CSMD1: variants seen among roughly 807,000 people sequenced by gnomAD.
CSMD1 encodes the protein CUB and sushi domain-containing protein 1.
In CSMD1, 213 loss-of-function variants were observed where a neutral mutation model predicts 417.5. The observed-to-expected ratio is 0.51, with a 90% CI of 0.46 to 0.57. The LOEUF is 0.57. Ranked by LOEUF, CSMD1 falls within the 20% of genes least tolerant of loss-of-function variation. The pLI, the probability that CSMD1 is intolerant of heterozygous loss-of-function variation, is 0.00. For missense variants in CSMD1, 6,923 were observed against 4,529.7 expected, an observed-to-expected ratio of 1.53 and a Z score of -15.17; for synonymous variants, 2,862 against 1,736.8, an observed-to-expected ratio of 1.65 and a Z score of -16.11.
chr8:3,189,025 C>A lies in CSMD1; in HGVS notation c.5399-14G>T, dbSNP rs377417512. On this transcript the variant is annotated splice_polypyrimidine_tract_variant and intron_variant, in intron 34 of 69. Coordinates refer to ENST00000635120, the MANE Select transcript of CSMD1 (RefSeq NM_033225.6). Reference sequence around the variant, plus strand: ...CACTGCAGGGTACTAAAAGACACAACCATATGTCATGAAATAAAGTGCTGT... The same window carrying A: ...CACTGCAGGGTACTAAAAGACACAAACATATGTCATGAAATAAAGTGCTGT... The A allele has an allele frequency of 4.4e-6, 7 of 1,604,498 alleles. No individual in the cohort carries two copies. The African/African-American group carries it at 6.7e-5, about 15-fold the overall frequency.
At chr8:4,593,644 G>C (rs78650370) in intron 2 of CSMD1, among the ~76,000 whole-genome samples, 23 of 152,180 alleles carry the variant, frequency 1.5e-4, no homozygotes, top group African/African-American at 4.8e-4. Flanking sequence ...GAGTCTTAAA[G>C]CTCTGAAAAG....
At chr8:4,930,696 T>C (rs11136800) in intron 1 of CSMD1, among the ~76,000 whole-genome samples, 412 of 152,338 alleles carry the variant, frequency 2.7e-3, no homozygotes, top group African/African-American at 9.1e-3. Flanking sequence ...TTAGGTCGTT[T>C]ATATTGTGGA....
At chr8:4,899,184 G>A (rs551190994) in intron 1 of CSMD1, among the ~76,000 whole-genome samples, 14 of 152,148 alleles carry the variant, frequency 9.2e-5, no homozygotes, top group Non-Finnish European at 1.8e-4. Context: ...TTATATGTGT[G>A]GGTATATGTC....
At chr8:4,421,403 A>T (rs993672763) in intron 2 of CSMD1, among the ~76,000 whole-genome samples, 6 of 152,270 alleles carry the variant, frequency 3.9e-5, no homozygotes, top group Admixed American at 3.3e-4. Context: ...GTGCCCACAG[A>T]ACATATACCA....
chr8:4,082,266 A>C (rs1260737495), intron 3 of CSMD1, among the ~76,000 whole-genome samples: 3 of 152,186 alleles, frequency 2.0e-5, no homozygotes, highest in African/African-American at 7.2e-5. Flanking sequence ...ACCTATTAAA[A>C]CTAACACAAG....
At chr8:4,019,373 C>T (rs1295790121) in intron 4 of CSMD1, among the ~76,000 whole-genome samples, 1 of 152,312 alleles carries the variant, frequency 6.6e-6, no homozygotes, top group East Asian at 1.9e-4. Context: ...CCATACATCT[C>T]CGTGAAGCTG....
At chr8:3,652,547 C>A (rs752814319) in intron 7 of CSMD1, among the ~76,000 whole-genome samples, 1 of 152,190 alleles carries the variant, frequency 6.6e-6, no homozygotes, top group Non-Finnish European at 1.5e-5. Flanking sequence ...GGAGGCCTCA[C>A]AATCTTGGCA....
At chr8:4,387,569 G>GAAAAAAAAAAAA (rs1563120658) in intron 3 of CSMD1, among the ~76,000 whole-genome samples, 2 of 3,310 alleles carry the variant, frequency 6.0e-4, no homozygotes, top group Non-Finnish European at 3.0e-3. Flanking sequence ...ATCCAAACTG[G>GAAAAAAAAAAAA]CAAAAAAAAA....
intron 6 of CSMD1, among the ~76,000 whole-genome samples, chr8:3,752,841 C>G (rs1029272060): frequency 6.6e-6 from 1 of 152,130 alleles, no homozygotes; most frequent in African/African-American, 2.4e-5. Flanking sequence ...GCATTTCATT[C>G]CCCGCAACTG....
chr8:4,032,072 G>T lies in CSMD1; in HGVS notation c.443C>A (p.Pro148His). The T allele has an allele frequency of 1.2e-6, 2 of 1,612,992 alleles. No individual in the cohort carries two copies. The highest frequency in any genetic ancestry group is 1.7e-6 in the Non-Finnish European group (2 of 1,179,334). ...CAGAACTCCTTTCAGGATTTCTCCAGGATTTCCACAAGTGTGGCTAGGTAA... is the reference window on the plus strand; with the variant it reads ...CAGAACTCCTTTCAGGATTTCTCCATGATTTCCACAAGTGTGGCTAGGTAA... ...EVLPSHTCGNPGEILKGVLHG... is the reference protein window; with the variant it reads ...EVLPSHTCGNHGEILKGVLHG... The change falls in exon 4 of 70, where the codon CCT becomes CAT. Residue 148 changes from proline (P) to histidine (H), a missense_variant. By Grantham distance (77) the Pro-to-His change is moderately conservative. Coordinates refer to ENST00000635120, the MANE Select transcript of CSMD1 (RefSeq NM_033225.6).
intron 22 of CSMD1, among the ~76,000 whole-genome samples, chr8:3,345,542 A>G (rs952314384): frequency 1.3e-5 from 2 of 152,288 alleles, no homozygotes; most frequent in South Asian, 2.1e-4. Context: ...TCTGATTCCA[A>G]TTGGATGAGG....
chr8:4,727,090 G>T (rs549528549), intron 1 of CSMD1, among the ~76,000 whole-genome samples: 64 of 152,252 alleles, frequency 4.2e-4, no homozygotes, highest in African/African-American at 1.5e-3. Flanking sequence ...TACCGGCTGA[G>T]TAGGGTGAGG....
chr8:3,257,518 G>T (rs944414222), intron 26 of CSMD1, among the ~76,000 whole-genome samples: 1 of 152,190 alleles, frequency 6.6e-6, no homozygotes, highest in Non-Finnish European at 1.5e-5. Context: ...GGATAAAGAA[G>T]ACAGGAGTGT....
chr8:3,797,490 C>G (rs1027375306), intron 5 of CSMD1, among the ~76,000 whole-genome samples: 15 of 151,920 alleles, frequency 9.9e-5, no homozygotes, highest in Admixed American at 6.6e-5. Context: ...TTCATTACAT[C>G]TGATCTTTAA....
intron 1 of CSMD1, among the ~76,000 whole-genome samples, chr8:4,717,004 G>T (rs945193329): frequency 1.3e-5 from 2 of 151,908 alleles, no homozygotes; most frequent in Non-Finnish European, 2.9e-5. Flanking sequence ...TAGAAGCCTG[G>T]GTTGATGAGG....
chr8:3,155,809 TG>T (rs1426465574), intron 39 of CSMD1, among the ~76,000 whole-genome samples: 1 of 152,240 alleles, frequency 6.6e-6, no homozygotes, highest in African/African-American at 2.4e-5. Flanking sequence ...TAAGCAACTA[TG>T]ATGTAGTGAA....
chr8:4,612,283 A>G (rs943255834), intron 2 of CSMD1, among the ~76,000 whole-genome samples: 1 of 152,228 alleles, frequency 6.6e-6, no homozygotes, highest in Non-Finnish European at 1.5e-5. Context: ...TCCCAAAGCT[A>G]AAACTTCAAA....
chr8:3,098,727 G>A (rs1032043263), intron 46 of CSMD1, among the ~76,000 whole-genome samples: 61 of 152,078 alleles, frequency 4.0e-4, no homozygotes, highest in Admixed American at 3.3e-3. Context: ...ATTAGGGTCC[G>A]TGCCTGTGTA....
At chr8:3,330,826 T>C (rs1321314989) in intron 23 of CSMD1, among the ~76,000 whole-genome samples, 2 of 152,240 alleles carry the variant, frequency 1.3e-5, no homozygotes, top group Non-Finnish European at 2.9e-5. Context: ...GATATAGGAA[T>C]GAATTATCAG....
Sources: allele counts gnomAD v4.1 joint callset (sites outside exome capture counted in the v4.1 genomes callset), GRCh38; gene constraint gnomAD v4.1.1; transcripts MANE v1.5; gene names NCBI Gene and HGNC (gene_info 2026-07-23, HGNC 2026-07-21).